Variants in ADAP1 observed in about 807,000 individuals in gnomAD.
ADAP1 encodes the protein arf-GAP with dual PH domain-containing protein 1.
A neutral mutation model predicts 54.9 loss-of-function variants in ADAP1; 31 were observed. That is an observed-to-expected ratio of 0.56 (90% confidence interval 0.42 to 0.76). The LOEUF (loss-of-function observed/expected upper bound fraction) is 0.76. Ranked by LOEUF, ADAP1 falls within the 30% of genes least tolerant of loss-of-function variation. The probability of loss-of-function intolerance (pLI) is 0.00; values close to 1 mark genes in which losing one functional copy is unlikely to be tolerated. For synonymous variants in ADAP1, 313 were observed against 202.6 expected, an observed-to-expected ratio of 1.55 and a Z score of -4.63; for missense variants, 535 against 512.4, an observed-to-expected ratio of 1.04 and a Z score of -0.42.
At position 935,399 on chromosome 7, in the gene ADAP1, G is replaced by A. The variant is rs370559460; in HGVS notation, c.189C>T (p.Asp63=). 1,398 of 1,560,526 alleles carry A rather than the reference G, an allele frequency of 9.0e-4. 17 individuals are homozygous for A. The South Asian group carries it at 0.013, about 14-fold the overall frequency. Residue 63 remains aspartate, a synonymous_variant, in exon 2 of 11, where the codon GAC becomes GAT. Coordinates refer to ENST00000265846, the MANE Select transcript of ADAP1 (RefSeq NM_006869.4). ...CCTCCACTTGGGCCTCCTCCCAGGC[G>A]TCCAGGCGGACGGACTTCACCTTGC... ...QVSKVKSVRL[D]AWEEAQVEFM...
chr7:935,825 G>A (rs1308345991), intron 1 of ADAP1, among the ~76,000 whole-genome samples: 2 of 152,156 alleles, frequency 1.3e-5, no homozygotes, highest in Admixed American at 1.3e-4. Context: ...CGGGCTGGAG[G>A]GCACCCGGCA....
At chr7:905,297 ACAG>A (rs1562911221) in intron 4 of ADAP1, 125 bp from the exon 5 acceptor site, 1 of 262,024 alleles carries the variant, frequency 3.8e-6, no homozygotes, top group Non-Finnish European at 6.6e-6. Context: ...GGGGACACGG[ACAG>A]GGGGAGACGG....
At chr7:935,654 A>G (rs1846734163) in intron 1 of ADAP1, 149 bp from the exon 2 acceptor site, 2 of 1,016,294 alleles carry the variant, frequency 2.0e-6, no homozygotes, top group Non-Finnish European at 2.8e-6. Context: ...TGCGCCCCAC[A>G]GGCACCTAAC....
At chr7:954,788 C>T, upstream of ADAP1, 28 of 829,146 alleles carry the variant, frequency 3.4e-5, no homozygotes, top group Non-Finnish European at 4.1e-5. Flanking sequence ...CGCTCCGGCG[C>T]CCCCAGCCCG....
chr7:904,741 A>AGG (rs934151077), intron 5 of ADAP1, among the ~76,000 whole-genome samples: 78 of 152,350 alleles, frequency 5.1e-4, no homozygotes, highest in African/African-American at 1.8e-3. Flanking sequence ...CAGGAAAACT[A>AGG]GGGGCTTTCT....
At chr7:910,094 C>G (rs1845660767) in intron 4 of ADAP1, among the ~76,000 whole-genome samples, 1 of 152,168 alleles carries the variant, frequency 6.6e-6, no homozygotes, top group South Asian at 2.1e-4. Context: ...CGACTGTGGG[C>G]GGGGACGCCG....
intron 2 of ADAP1, 172 bp downstream of exon 2, chr7:935,203 A>T (rs1381134714): frequency 1.1e-6 from 1 of 914,368 alleles, no homozygotes; most frequent in Non-Finnish European, 1.7e-6. Flanking sequence ...GCAGCCACAC[A>T]GGCGGAGCCG....
intron 4 of ADAP1, among the ~76,000 whole-genome samples, chr7:915,242 G>GCCTGCACACCTCA (rs899606095): frequency 1.3e-5 from 2 of 151,898 alleles, no homozygotes; most frequent in Admixed American, 6.6e-5. Flanking sequence ...TGCACACCTC[G>GCCTGCACACCTCA]CCTGTGCATC....
At chr7:930,879 C>T (rs907631219) in intron 2 of ADAP1, among the ~76,000 whole-genome samples, 7 of 150,058 alleles carry the variant, frequency 4.7e-5, no homozygotes, top group African/African-American at 1.2e-4. Flanking sequence ...CCTTGGGAGG[C>T]TGAGGCAAGA....
intron 10 of ADAP1, 35 bp downstream of exon 10, chr7:898,998 G>A (rs1172811583): frequency 3.7e-6 from 6 of 1,609,292 alleles, no homozygotes; most frequent in Middle Eastern, 1.7e-4. Context: ...GGAGCTGGGA[G>A]CCCTTCCAGG....
intron 1 of ADAP1, among the ~76,000 whole-genome samples, chr7:941,669 G>A (rs116231366): frequency 2.4e-3 from 368 of 152,296 alleles, no homozygotes; most frequent in African/African-American, 8.3e-3. Flanking sequence ...TTTGGAAAGA[G>A]ATAACGTTTT....
chr7:924,629 G>A (rs371086841), intron 3 of ADAP1, among the ~76,000 whole-genome samples: 14 of 149,024 alleles, frequency 9.4e-5, no homozygotes, highest in African/African-American at 3.2e-4. Flanking sequence ...CAGCATCCAC[G>A]GCTCATACAG....
In ADAP1 at chr7:928,901, C is replaced by T. The variant is rs565801465; in HGVS notation, c.214-2257G>A. Among the ~76,000 whole-genome samples the T allele has an allele frequency of 3.2e-3, 483 of 152,352 alleles. 3 individuals are homozygous for T. Among genetic ancestry groups the T allele is most frequent in the African/African-American group, 0.011 (454 of 41,580 alleles). ...ACATGAGTGTTCACAGCACATTCTT[C>T]GTGACAGCTGAGAACGGGAACAAGC... On this transcript the variant is annotated intron_variant, in intron 2 of 10. Coordinates refer to ENST00000265846, the MANE Select transcript of ADAP1 (RefSeq NM_006869.4).
Position 904,226 on chromosome 7 carries a change from G to C in ADAP1, c.548C>G (p.Thr183Ser), listed in dbSNP as rs748976827. ...AVMKIEHLNA[T>S]FQPAKIGHPH... ...GTGGCCGATCTTGGCCGGCTGGAAG[G>C]TGGCGTTCAGGTGCTCGATCTTCAT... The change falls in exon 6 of 11, where the codon ACC (threonine) becomes AGC (serine). Residue 183 changes from threonine (T) to serine (S), a missense_variant. Transcript: ENST00000265846. The C allele has an allele frequency of 6.2e-7, 1 of 1,610,544 alleles. No homozygotes were observed. Among genetic ancestry groups the C allele is most frequent in the Non-Finnish European group, 8.5e-7 (1 of 1,178,740 alleles).
chr7:902,686 T>C (rs1844881641), intron 6 of ADAP1, among the ~76,000 whole-genome samples: 1 of 151,284 alleles, frequency 6.6e-6, no homozygotes, highest in African/African-American at 2.4e-5. Context: ...AGGAAATCAT[T>C]AGATAAGAAA....
At chr7:936,569 C>T (rs1846766447) in intron 1 of ADAP1, among the ~76,000 whole-genome samples, 1 of 152,210 alleles carries the variant, frequency 6.6e-6, no homozygotes, top group Admixed American at 6.5e-5. Flanking sequence ...TGGGGAGCGT[C>T]CAGCCCCGCC....
chr7:943,822 GAGAGAGGAGGAGGA>G (rs1226322851), intron 1 of ADAP1, among the ~76,000 whole-genome samples: 1 of 134,624 alleles, frequency 7.4e-6, no homozygotes, highest in Non-Finnish European at 1.6e-5. Context: ...AGGACGAAGG[GAGAGAGGAGGAGGA>G]AGGGAGGAGG....
intron 2 of ADAP1, among the ~76,000 whole-genome samples, chr7:929,631 C>T (rs1407027067): frequency 1.3e-5 from 2 of 151,402 alleles, no homozygotes; most frequent in East Asian, 3.9e-4. Context: ...TCAGTAACGG[C>T]TGGGGCGGTG....
At chr7:915,214 C>CA (rs1562922282) in intron 4 of ADAP1, among the ~76,000 whole-genome samples, 1 of 80,142 alleles carries the variant, frequency 1.2e-5, no homozygotes, top group African/African-American at 5.5e-5. Context: ...CACAAAGGGC[C>CA]AGCCCTGCAC....
Sources: gnomAD v4.1 joint callset for allele counts (sites outside exome capture counted in the v4.1 genomes callset) on GRCh38, gnomAD v4.1.1 for gene constraint, MANE v1.5 for transcripts, NCBI Gene and HGNC (gene_info 2026-07-23, HGNC 2026-07-21) for gene names.